TNFRSF8: variants seen among roughly 807,000 people sequenced by gnomAD.
TNFRSF8 encodes TNF receptor superfamily member 8, also known as tumor necrosis factor receptor superfamily member 8.
In TNFRSF8, 26 loss-of-function variants were observed where a neutral mutation model predicts 70.8. The observed-to-expected ratio is 0.37, with a 90% CI of 0.27 to 0.51. TNFRSF8 has a LOEUF of 0.51. Ranked by LOEUF, TNFRSF8 falls within the 20% of genes least tolerant of loss-of-function variation. TNFRSF8 has a pLI of 0.94. For missense variants in TNFRSF8, 720 were observed against 807.9 expected (o/e 0.89, Z 1.32); for synonymous variants, 356 against 339.2 (o/e 1.05, Z -0.54).
intron 1 of TNFRSF8, among the ~76,000 whole-genome samples, chr1:12,080,849 C>T (rs912327623): frequency 3.3e-5 from 5 of 152,198 alleles, no homozygotes; most frequent in East Asian, 1.9e-4. Context: ...CGTGAGCCAC[C>T]GTGCCCGGCC....
intron 14 of TNFRSF8, among the ~76,000 whole-genome samples, chr1:12,140,612 C>T (rs1473715308): frequency 6.6e-6 from 1 of 152,196 alleles, no homozygotes; most frequent in African/African-American, 2.4e-5. Flanking sequence ...TCTGAAGTTT[C>T]CAGACCCCTC....
At chr1:12,134,431 C>T (rs1167273887) in intron 12 of TNFRSF8, among the ~76,000 whole-genome samples, 1 of 152,110 alleles carries the variant, frequency 6.6e-6, no homozygotes, top group East Asian at 1.9e-4. Context: ...TCTCAGATGG[C>T]CAGTGAGCCA....
At chr1:12,135,130 G>A (rs1484536083) in intron 12 of TNFRSF8, among the ~76,000 whole-genome samples, 5 of 151,816 alleles carry the variant, frequency 3.3e-5, no homozygotes, top group Non-Finnish European at 5.9e-5. Flanking sequence ...CCTGGCCAAC[G>A]TGGTGAAACC....
At chr1:12,100,109 C>T (rs1336672043) in intron 3 of TNFRSF8, among the ~76,000 whole-genome samples, 3 of 152,000 alleles carry the variant, frequency 2.0e-5, no homozygotes, top group Admixed American at 2.0e-4. Context: ...GCGGAGGTTG[C>T]AGTGCGCCGA....
Position 12,142,195 on chromosome 1 carries a change from C to T in TNFRSF8, c.1544-92C>T, listed in dbSNP as rs1005769847. On this transcript the variant is annotated intron_variant, in intron 14 of 14. Transcript: ENST00000263932. The surrounding 1 kb of genome is among the most constrained non-coding windows in gnomAD (Gnocchi z 5.0). ...AGCCTGAAGCCACCCGGCAGGTGTACCAGCACTGGGCCTCGGCCCTTCTCT... is the reference window on the plus strand; with the variant it reads ...AGCCTGAAGCCACCCGGCAGGTGTATCAGCACTGGGCCTCGGCCCTTCTCT... The T allele has an allele frequency of 2.7e-6, 4 of 1,460,716 alleles. No homozygotes were observed. Among genetic ancestry groups the T allele is most frequent in the East Asian group, 2.5e-5 (1 of 40,196 alleles). 90.5% of individuals were successfully genotyped at this position (1,460,716 alleles called of 1,614,324 possible). A position where few individuals can be genotyped will look rare whatever the true frequency, so the allele number is the denominator to read the frequency against.
At chr1:12,136,222 G>A (rs1282626605) in intron 13 of TNFRSF8, among the ~76,000 whole-genome samples, 8 of 152,066 alleles carry the variant, frequency 5.3e-5, no homozygotes, top group South Asian at 4.1e-4. Flanking sequence ...GATCACATTC[G>A]AATATGCTTG....
At chr1:12,099,908 C>T (rs1431542858) in intron 3 of TNFRSF8, among the ~76,000 whole-genome samples, 1 of 152,114 alleles carries the variant, frequency 6.6e-6, no homozygotes, top group Non-Finnish European at 1.5e-5. Flanking sequence ...GTGACTCACA[C>T]CTGTAATGCC....
chr1:12,084,405 C>A, intron 1 of TNFRSF8, 59 bp from the exon 2 acceptor site: 3 of 1,485,062 alleles, frequency 2.0e-6, no homozygotes, highest in Non-Finnish European at 2.8e-6. Flanking sequence ...CTGGTGGGGA[C>A]AGAGGGAGTA....
Position 12,136,069 on chromosome 1 carries a change from C to CT in TNFRSF8, c.1335+469dup, listed in dbSNP as rs768602680. Among the ~76,000 whole-genome samples, 1,241 of 146,190 alleles carry CT rather than the reference C, an allele frequency of 8.5e-3. 10 individuals carry two copies. Among genetic ancestry groups the CT allele is most frequent in the African/African-American group, 0.027 (1,091 of 40,132 alleles). On this transcript the variant is annotated intron_variant, in intron 13 of 14. Coordinates refer to ENST00000263932, the MANE Select transcript of TNFRSF8 (RefSeq NM_001243.5). ...CAGAGCAGGTGGCTATGGTCCATTC[C>CT]TTTTTTTTTTTTTCCCCATCTGTCA...
chr1:12,066,154 C>A (rs1357418521), intron 1 of TNFRSF8, among the ~76,000 whole-genome samples: 1 of 152,072 alleles, frequency 6.6e-6, no homozygotes. Context: ...GGAAGCTGAG[C>A]ATCTCTCTGG....
intron 1 of TNFRSF8, among the ~76,000 whole-genome samples, chr1:12,080,915 T>C (rs372446366): frequency 6.6e-5 from 10 of 152,142 alleles, no homozygotes; most frequent in South Asian, 2.1e-4. Flanking sequence ...TGGGGGAGAA[T>C]TGGGGACACG....
chr1:12,126,407 C>G (rs1212169623), intron 12 of TNFRSF8, among the ~76,000 whole-genome samples, 171 bp downstream of exon 12: 2 of 152,210 alleles, frequency 1.3e-5, no homozygotes, highest in Non-Finnish European at 2.9e-5. Flanking sequence ...GGTGAAAACT[C>G]ATGCGTGTGG....
intron 13 of TNFRSF8, among the ~76,000 whole-genome samples, chr1:12,135,830 G>A (rs1642135995): frequency 6.6e-6 from 1 of 152,130 alleles, no homozygotes; most frequent in African/African-American, 2.4e-5. Context: ...GCCTCGCCTG[G>A]GGCCTCAGCC....
intron 12 of TNFRSF8, 32 bp from the exon 13 acceptor site, chr1:12,135,556 C>T (rs1162760688): frequency 6.2e-7 from 1 of 1,613,788 alleles, no homozygotes; most frequent in Non-Finnish European, 8.5e-7. Context: ...TGCCAGACTC[C>T]TTGGTGAAGT....
intron 1 of TNFRSF8, among the ~76,000 whole-genome samples, chr1:12,083,324 G>A (rs1042155038): frequency 1.1e-4 from 17 of 152,204 alleles, no homozygotes; most frequent in Non-Finnish European, 2.1e-4. Flanking sequence ...AAGCGTGTAC[G>A]TTTGGACACT....
chr1:12,095,279 G>A (rs1570017412), intron 2 of TNFRSF8, among the ~76,000 whole-genome samples: 1 of 151,156 alleles, frequency 6.6e-6, no homozygotes, highest in African/African-American at 2.4e-5. Flanking sequence ...AGAATCACAT[G>A]TTACTGTATC....
At chr1:12,115,225 G>A (rs1641705891) in intron 7 of TNFRSF8, among the ~76,000 whole-genome samples, 1 of 152,150 alleles carries the variant, frequency 6.6e-6, no homozygotes, top group South Asian at 2.1e-4. Flanking sequence ...ATTAAAGGAT[G>A]CAATCTGATA....
rs780397262 is a variant in TNFRSF8 at position 12,126,165 on chromosome 1, C to T, written c.1256-18C>T. On this transcript the variant is annotated intron_variant, in intron 11 of 14. Transcript: ENST00000263932. ...TCTGAGGCCGCCACCCCCAGCCTTC[C>T]TCCTGGTGTCGTTTCAGAGCTCCAC... 5 of 1,614,150 alleles carry T rather than the reference C, an allele frequency of 3.1e-6. No homozygotes were observed. Among genetic ancestry groups the T allele is most frequent in the South Asian group, 2.2e-5 (2 of 91,084 alleles).
chr1:12,076,341 C>A (rs907440080), intron 1 of TNFRSF8, among the ~76,000 whole-genome samples: 10 of 152,166 alleles, frequency 6.6e-5, no homozygotes, highest in Non-Finnish European at 1.5e-4. Flanking sequence ...CTCAGGTGAT[C>A]CACTTGCCTT....
Sources: gnomAD v4.1 joint callset for allele counts (sites outside exome capture counted in the v4.1 genomes callset) on GRCh38, gnomAD v4.1.1 for gene constraint, Gnocchi (gnomAD v3.1) non-coding constraint, MANE v1.5 for transcripts, NCBI Gene and HGNC (gene_info 2026-07-23, HGNC 2026-07-21) for gene names.